Variants in THEM4 observed in about 807,000 individuals in gnomAD.
The protein encoded by THEM4 is acyl-coenzyme A thioesterase THEM4.
Under a neutral mutation model 25.0 loss-of-function variants are expected in THEM4, and 22 were observed. The ratio of observed to expected loss-of-function variants is 0.88; its 90% CI spans 0.63 to 1.26. The LOEUF (loss-of-function observed/expected upper bound fraction) is 1.26. Among genes scored for constraint, THEM4 ranks in the 50% most tolerant of loss-of-function variants. The pLI is 0.00. For missense variants in THEM4, 286 were observed against 300.3 expected, an observed-to-expected ratio of 0.95 and a Z score of 0.35; for synonymous variants, 113 against 105.6, an observed-to-expected ratio of 1.07 and a Z score of -0.43.
intron 4 of THEM4, among the ~76,000 whole-genome samples, chr1:151,882,372 C>CAAA (rs35928322): frequency 2.9e-5 from 3 of 104,982 alleles, no homozygotes; most frequent in African/African-American, 7.2e-5. Flanking sequence ...GACTCCATCT[C>CAAA]AAAAAAAAAA....
intron 4 of THEM4, among the ~76,000 whole-genome samples, chr1:151,883,422 C>T (rs890671202): frequency 5.3e-5 from 8 of 151,964 alleles, no homozygotes; most frequent in African/African-American, 9.7e-5. Context: ...GCCTGCCAAA[C>T]ACTTTTAAAC....
chr1:151,894,901 C>A, intron 2 of THEM4, 107 bp downstream of exon 2: 1 of 1,269,376 alleles, frequency 7.9e-7, no homozygotes, highest in Non-Finnish European at 1.1e-6. Flanking sequence ...GAACCATAAT[C>A]CTGCATTATA....
chr1:151,885,585 TG>T (rs1653950298), intron 4 of THEM4, among the ~76,000 whole-genome samples: 1 of 152,254 alleles, frequency 6.6e-6, no homozygotes, highest in Non-Finnish European at 1.5e-5. Context: ...CTACTTGTTT[TG>T]AAGGAGGAAT....
At chr1:151,893,431 A>ACT (rs1654140255) in intron 2 of THEM4, among the ~76,000 whole-genome samples, 1 of 148,026 alleles carries the variant, frequency 6.8e-6, no homozygotes, top group Non-Finnish European at 1.5e-5. Flanking sequence ...AACAAAAGAG[A>ACT]GAGAGAGAGA....
At chr1:151,885,280 G>A (rs1295037930) in intron 4 of THEM4, among the ~76,000 whole-genome samples, 1 of 151,942 alleles carries the variant, frequency 6.6e-6, no homozygotes, top group African/African-American at 2.4e-5. Context: ...CACCACACCT[G>A]GGTAATTTCT....
chr1:151,887,637 T>TTTG (rs564459123), intron 4 of THEM4, among the ~76,000 whole-genome samples: 1 of 151,768 alleles, frequency 6.6e-6, no homozygotes, highest in Non-Finnish European at 1.5e-5. Flanking sequence ...TGTGTGTGTT[T>TTTG]TTGTTGTTGT....
At chr1:151,882,406 T>G (rs1653863968) in intron 4 of THEM4, among the ~76,000 whole-genome samples, 1 of 151,916 alleles carries the variant, frequency 6.6e-6, no homozygotes, top group Non-Finnish European at 1.5e-5. Context: ...ATTTAACATA[T>G]TAAGCTGCTA....
chr1:151,882,414 C>T (rs972434083), intron 4 of THEM4, among the ~76,000 whole-genome samples: 4 of 151,190 alleles, frequency 2.6e-5, no homozygotes, highest in Non-Finnish European at 4.4e-5. Flanking sequence ...TATTAAGCTG[C>T]TAGCTCTGAA....
chr1:151,885,415 A>C (rs571298738), intron 4 of THEM4, among the ~76,000 whole-genome samples: 1 of 152,294 alleles, frequency 6.6e-6, no homozygotes, highest in Admixed American at 6.5e-5. Context: ...CACTGTGCCC[A>C]GCCTCATCTT....
At chr1:151,889,779 G>A (rs1654050406) in intron 2 of THEM4, 2 of 163,620 alleles carry the variant, frequency 1.2e-5, no homozygotes, top group Non-Finnish European at 2.7e-5. Flanking sequence ...GACATGAGTT[G>A]AGTCTGAATC....
At chr1:151,904,847 T>C (rs1057264494) in intron 1 of THEM4, among the ~76,000 whole-genome samples, 2 of 152,182 alleles carry the variant, frequency 1.3e-5, no homozygotes, top group Non-Finnish European at 2.9e-5. Flanking sequence ...TTTTTCTTAG[T>C]GTGCACATGT....
At chr1:151,898,538 G>A (rs539489319) in intron 1 of THEM4, among the ~76,000 whole-genome samples, 1 of 152,318 alleles carries the variant, frequency 6.6e-6, no homozygotes, top group South Asian at 2.1e-4. Context: ...TATAATCTTG[G>A]GAGTTCTAGG....
chr1:151,875,394 A>AC (rs11394830), intron 5 of THEM4, among the ~76,000 whole-genome samples: 139,695 of 152,196 alleles, frequency 0.92, 64,118 homozygotes, highest in East Asian at 0.94. Flanking sequence ...GATACAAAAA[A>AC]ATTAGCCATA....
intron 4 of THEM4, among the ~76,000 whole-genome samples, chr1:151,879,488 T>TA (rs1653761373): frequency 6.6e-6 from 1 of 151,994 alleles, no homozygotes; most frequent in Non-Finnish European, 1.5e-5. Flanking sequence ...TAAAATCTAT[T>TA]AAGACTTAAT....
intron 4 of THEM4, among the ~76,000 whole-genome samples, chr1:151,879,136 AG>A (rs1297527461): frequency 6.6e-6 from 1 of 152,186 alleles, no homozygotes; most frequent in Non-Finnish European, 1.5e-5. Context: ...CAGATGAAAT[AG>A]AAAAAAATTT....
rs375860607 is a variant in THEM4 at position 151,903,755 on chromosome 1, C to G, written c.99+5605G>C. 1.5e-3 allele frequency among the ~76,000 whole-genome samples: 226 copies of G among 152,308 alleles called. 6 individuals carry two copies. The South Asian group carries it at 0.044, about 30-fold the overall frequency. ...TCATCTCATTAGCCACTGGTCTCAT[C>G]TTAAACAAGTAACACTAGGATCCAT... On this transcript the variant is annotated intron_variant, in intron 1 of 5. Coordinates refer to ENST00000368814, the MANE Select transcript of THEM4 (RefSeq NM_053055.5).
intron 1 of THEM4, among the ~76,000 whole-genome samples, chr1:151,904,046 G>T (rs1011750017): frequency 6.6e-6 from 1 of 152,158 alleles, no homozygotes; most frequent in African/African-American, 2.4e-5. Context: ...GGCATAGAAC[G>T]GATGACTTTC....
In THEM4 at chr1:151,881,045, A is replaced by C. The variant is rs144925294; in HGVS notation, c.558-3920T>G. ...TTCTCTTATTTTAATCATTCTCTCC[A>C]CTGAAAAATATGAGGATGTATCAAC... On this transcript the variant is annotated intron_variant, in intron 4 of 5. Transcript: ENST00000368814. 5.8e-3 allele frequency among the ~76,000 whole-genome samples: 883 copies of C among 152,140 alleles called. 9 individuals carry two copies. The highest frequency in any genetic ancestry group is 0.02 in the African/African-American group (845 of 41,508).
At chr1:151,897,629 T>C (rs2101728185) in intron 1 of THEM4, among the ~76,000 whole-genome samples, 1 of 152,306 alleles carries the variant, frequency 6.6e-6, no homozygotes, top group South Asian at 2.1e-4. Context: ...TCGTATTAGC[T>C]GAGCATGTGG....
Sources: allele counts gnomAD v4.1 joint callset (sites outside exome capture counted in the v4.1 genomes callset), GRCh38; gene constraint gnomAD v4.1.1; transcripts MANE v1.5; gene names NCBI Gene and HGNC (gene_info 2026-07-23, HGNC 2026-07-21).